The following SCN1A variants were observed in gnomAD, a reference collection of about 807,000 sequenced individuals.
The protein encoded by SCN1A is sodium channel protein type 1 subunit alpha.
In SCN1A, 13 loss-of-function variants were observed where a neutral mutation model predicts 193.7. The ratio of observed to expected loss-of-function variants is 0.07; its 90% CI spans 0.04 to 0.11. The LOEUF is 0.11. SCN1A is among the 10% of genes least tolerant of loss of function. The pLI, the probability that SCN1A is intolerant of heterozygous loss-of-function variation, is 1.00. For synonymous variants in SCN1A, 781 were observed against 843.6 expected (o/e 0.93, Z 1.29); for missense variants, 1,432 against 2,451.1 (o/e 0.58, Z 8.78).
At position 166,097,708 on chromosome 2, in the gene SCN1A, T is replaced by G. The variant is rs1406515336; in HGVS notation, c.-141-19907A>C. ...GTGATCCCTTCCTCAGCCTCCTCAG[T>G]AGCTTGGAGTACAGATGTGTATCAC... On this transcript the variant is annotated intron_variant, in intron 2 of 28. Transcript: ENST00000674923. Among the ~76,000 whole-genome samples the G allele has an allele frequency of 4.6e-5, 7 of 152,264 alleles. No individual in the cohort carries two copies. The South Asian group carries it at 1.2e-3, about 27-fold the overall frequency.
chr2:166,080,854 CTGAA>C (rs1685445609), intron 2 of SCN1A, among the ~76,000 whole-genome samples: 1 of 151,462 alleles, frequency 6.6e-6, no homozygotes, highest in African/African-American at 2.4e-5. Context: ...TAATATCTAA[CTGAA>C]AGAAAAAGAG....
chr2:166,116,494 G>T (rs585528), intron 2 of SCN1A, among the ~76,000 whole-genome samples: 4,340 of 152,140 alleles, frequency 0.029, 339 homozygotes, highest in Admixed American at 0.17. Flanking sequence ...TAATTCTGGG[G>T]GACTCAATTA....
At chr2:166,057,163 G>A (rs914462572) in intron 5 of SCN1A, among the ~76,000 whole-genome samples, 3 of 152,012 alleles carry the variant, frequency 2.0e-5, no homozygotes, top group Non-Finnish European at 2.9e-5. Context: ...CAACCTCTCT[G>A]TGCCATTGCC....
In SCN1A at chr2:166,012,158, T is replaced by G. The variant is rs1692551744; in HGVS notation, c.3830A>C (p.Gln1277Pro). 2 of 1,610,412 alleles carry G rather than the reference T, an allele frequency of 1.2e-6. No homozygotes were observed. The highest frequency in any genetic ancestry group is 4.5e-5 in the East Asian group (2 of 44,752). Residue 1277 changes from glutamine (Q) to proline (P), a missense_variant, in exon 22 of 29, where the codon CAA becomes CCA. By Grantham distance (76) the Gln-to-Pro change is moderately conservative (BLOSUM62 -1). Around this residue, in one of 18 missense-constraint regions of SCN1A, gnomAD observed 107 missense variants for 259.4 expected, o/e 0.41. Transcript: ENST00000674923. ...MLLKWVAYGYQTYFTNAWCWL... is the reference protein window; with the variant it reads ...MLLKWVAYGYPTYFTNAWCWL... The stretch of plus-strand genomic sequence containing the variant: ...ACACCAGGCATTGGTGAAATATGTT[T>G]GATAGCCATATGCCACCCATTTTAG...
intron 24 of SCN1A, among the ~76,000 whole-genome samples, chr2:166,000,632 T>A (rs569893): frequency 1 from 151,324 of 151,812 alleles, 75,419 homozygotes; most frequent in Middle Eastern, 1. Flanking sequence ...GGTGGTGGAT[T>A]TCATGAGACA....
intron 12 of SCN1A, 132 bp from the exon 13 acceptor site, chr2:166,045,459 T>C: frequency 9.4e-7 from 1 of 1,061,298 alleles, no homozygotes; most frequent in South Asian, 1.4e-5. Context: ...GAGAAGATTC[T>C]CTGCAAGTAT....
chr2:166,120,596 CTTTTTTTTTTTTTTTTTTTT>C (rs57044851), intron 2 of SCN1A, among the ~76,000 whole-genome samples: 1 of 72,456 alleles, frequency 1.4e-5, no homozygotes, highest in Non-Finnish European at 2.4e-5. Context: ...TTTCTTTTCT[CTTTTTTTTTTTTTTTTTTTT>C]TTTTTTTTGA....
At chr2:166,039,303 T>C in intron 17 of SCN1A, 120 bp downstream of exon 17, 1 of 998,060 alleles carries the variant, frequency 1.0e-6, no homozygotes, top group Non-Finnish European at 1.5e-6. Context: ...ACAATGCAAA[T>C]GTTACAGAAA....
rs527778712 is a variant in SCN1A at position 166,124,261 on chromosome 2, A to G, written c.-142+2663T>C. Among the ~76,000 whole-genome samples, 9 of 151,806 alleles carry G rather than the reference A, an allele frequency of 5.9e-5. No individual in the cohort carries two copies. The South Asian group carries it at 1.5e-3, about 25-fold the overall frequency. ...GAGCTTTTTTTTTTTTAATTTTTTA[A>G]CAAATAGCCCGGTGTGATGGCTCAC... On this transcript the variant is annotated intron_variant, in intron 2 of 28. Coordinates refer to ENST00000674923, the MANE Select transcript of SCN1A (RefSeq NM_001165963.4).
intron 9 of SCN1A, among the ~76,000 whole-genome samples, chr2:166,051,494 G>GTGT (rs1405485664): frequency 6.6e-6 from 1 of 151,810 alleles, no homozygotes; most frequent in Non-Finnish European, 1.5e-5. Context: ...TTTTTAGAGG[G>GTGT]TGTTTTATTT....
intron 2 of SCN1A, among the ~76,000 whole-genome samples, chr2:166,091,411 C>A (rs889536170): frequency 1.3e-5 from 2 of 152,058 alleles, no homozygotes; most frequent in Non-Finnish European, 2.9e-5. Flanking sequence ...AGCAGAGGGT[C>A]CTCACAAGAG....
chr2:166,043,432 A>G (rs1697391799), intron 14 of SCN1A, among the ~76,000 whole-genome samples: 1 of 152,238 alleles, frequency 6.6e-6, no homozygotes, highest in South Asian at 2.1e-4. Flanking sequence ...GGAGGCAGTA[A>G]TTATTGTGTC....
chr2:166,058,428 G>T, intron 5 of SCN1A, 142 bp downstream of exon 5: 1 of 536,840 alleles, frequency 1.9e-6, no homozygotes, highest in Admixed American at 3.3e-5. Flanking sequence ...CTTTAAGAAT[G>T]AGGCTAATAT....
chr2:166,089,873 T>G (rs1054554010), intron 2 of SCN1A, among the ~76,000 whole-genome samples: 4 of 152,114 alleles, frequency 2.6e-5, no homozygotes, highest in African/African-American at 7.2e-5. Context: ...CACATTTCTT[T>G]CATTATTAAA....
chr2:166,045,479 T>A (rs1270708942), intron 12 of SCN1A, 152 bp from the exon 13 acceptor site: 1 of 73,500 alleles, frequency 1.4e-5, no homozygotes, highest in Non-Finnish European at 1.9e-5. Flanking sequence ...TAAGAGGAGA[T>A]TTTTTTTTTC....
intron 23 of SCN1A, 80 bp from the exon 24 acceptor site, chr2:166,002,833 G>A: frequency 8.6e-7 from 1 of 1,167,336 alleles, no homozygotes; most frequent in East Asian, 2.5e-5. Flanking sequence ...GTAATCTCTG[G>A]TCTTTCCATT....
At chr2:166,027,825 A>G (rs1455003493) in intron 19 of SCN1A, among the ~76,000 whole-genome samples, 3 of 152,054 alleles carry the variant, frequency 2.0e-5, no homozygotes, top group Non-Finnish European at 4.4e-5. Context: ...AAATATTTCT[A>G]TTGTACACTA....
At chr2:166,013,427 A>G (rs1196098140) in intron 21 of SCN1A, among the ~76,000 whole-genome samples, 1 of 151,542 alleles carries the variant, frequency 6.6e-6, no homozygotes, top group East Asian at 1.9e-4. Context: ...AGGGCTTCCA[A>G]TAACTTTTTT....
chr2:166,013,381 A>G (rs893079742), intron 21 of SCN1A, among the ~76,000 whole-genome samples: 1 of 151,468 alleles, frequency 6.6e-6, no homozygotes, highest in Admixed American at 6.6e-5. Context: ...TAGAAACAAA[A>G]TTCGTCAGAA....
Sources: gnomAD v4.1 joint callset for allele counts (sites outside exome capture counted in the v4.1 genomes callset) on GRCh38, gnomAD v4.1.1 for gene constraint, gnomAD v4.1.1 regional missense constraint, MANE v1.5 for transcripts, NCBI Gene and HGNC (gene_info 2026-07-23, HGNC 2026-07-21) for gene names.